Variants in DYSF observed in about 807,000 individuals in gnomAD.
The protein encoded by DYSF is dysferlin.
In DYSF, 212 loss-of-function variants were observed where a neutral mutation model predicts 274.9. The ratio of observed to expected loss-of-function variants is 0.77; its 90% confidence interval spans 0.69 to 0.86. The LOEUF (loss-of-function observed/expected upper bound fraction) is 0.86, where lower values mean the gene tolerates loss of function less well. DYSF is among the 40% of genes least tolerant of loss of function. The pLI, the probability that DYSF is intolerant of heterozygous loss-of-function variation, is 0.00. For missense variants in DYSF, 2,666 were observed against 2,783.2 expected (o/e 0.96, Z 0.95); for synonymous variants, 1,091 against 1,078.7 (o/e 1.01, Z -0.22).
intron 36 of DYSF, among the ~76,000 whole-genome samples, chr2:71,608,454 G>T (rs2093684985): frequency 6.6e-6 from 1 of 152,174 alleles, no homozygotes; most frequent in Admixed American, 6.5e-5. Flanking sequence ...CAGCACGGTG[G>T]ACAGAGATGG....
At chr2:71,574,139 G>A in intron 29 of DYSF, 59 bp from the exon 30 acceptor site, 1 of 1,593,176 alleles carries the variant, frequency 6.3e-7, no homozygotes, top group Non-Finnish European at 8.6e-7. Context: ...GTGGAGCCGA[G>A]CACAGAACTC....
In DYSF at chr2:71,675,666, G is replaced by T. The variant is rs565438045; in HGVS notation, c.5884+1370G>T. Among the ~76,000 whole-genome samples, 3 of 152,210 alleles carry T rather than the reference G, an allele frequency of 2.0e-5. No homozygotes were observed. The East Asian group carries it at 5.8e-4, about 29-fold the overall frequency. ...CTTCTATTATTTTACTTATTATTTT[G>T]TACATAATTCCTGTAGAGGAATTAG... On this transcript the variant is annotated intron_variant, in intron 52 of 55. Transcript: ENST00000410020.
At position 71,513,294 on chromosome 2, in the gene DYSF, A is replaced by G. The variant is rs764145540; in HGVS notation, c.515A>G (p.Asp172Gly). 1.0e-5 allele frequency: 16 copies of G among 1,551,596 alleles called. No individual in the cohort carries two copies. Among genetic ancestry groups the G allele is most frequent in the Non-Finnish European group, 1.4e-5 (16 of 1,146,952 alleles). Reference sequence around the variant, plus strand: ...TCCCTGCTCAGTGACAGCACCATGGACACGAGATACTCTGGAAAGAAGTGG... The same window carrying G: ...TCCCTGCTCAGTGACAGCACCATGGGCACGAGATACTCTGGAAAGAAGTGG... ...TWSLLSDSTM[D>G]TRYSGKKWPA... The change falls in exon 6 of 56, where the codon GAC becomes GGC. Residue 172 changes from aspartate to glycine, a missense_variant. Physicochemically the swap from Asp to Gly is moderately conservative, Grantham distance 94. Coordinates refer to ENST00000410020, the MANE Select transcript of DYSF (RefSeq NM_001130987.2).
chr2:71,626,318 A>G (rs2094205745), intron 41 of DYSF, among the ~76,000 whole-genome samples: 1 of 151,022 alleles, frequency 6.6e-6, no homozygotes, highest in Admixed American at 6.6e-5. Context: ...GTTTTTTTTC[A>G]TGAATGTTGT....
chr2:71,462,884 A>G (rs1018027539), upstream of DYSF, among the ~76,000 whole-genome samples: 4 of 152,048 alleles, frequency 2.6e-5, no homozygotes, highest in African/African-American at 7.2e-5. Flanking sequence ...CTCAGAAGGG[A>G]GGAAGTGTGT....
At chr2:71,641,335 C>G (rs1380839464) in intron 41 of DYSF, among the ~76,000 whole-genome samples, 1 of 151,670 alleles carries the variant, frequency 6.6e-6, no homozygotes, top group East Asian at 1.9e-4. Flanking sequence ...CCCGCCACCA[C>G]GCCCGGCTAA....
chr2:71,520,111 T>G (rs1207202824), intron 10 of DYSF, 67 bp from the exon 11 acceptor site: 1 of 1,589,144 alleles, frequency 6.3e-7, no homozygotes, highest in East Asian at 2.2e-5. Context: ...AATCATATAA[T>G]GCACCACACT....
At chr2:71,571,887 C>T (rs1268753593) in intron 29 of DYSF, among the ~76,000 whole-genome samples, 1 of 103,010 alleles carries the variant, frequency 9.7e-6, no homozygotes, top group African/African-American at 4.4e-5. Context: ...GCACACACAG[C>T]TCACACCCAG....
chr2:71,508,449 T>C (rs1034193888), intron 4 of DYSF, among the ~76,000 whole-genome samples: 1 of 152,258 alleles, frequency 6.6e-6, no homozygotes, highest in Non-Finnish European at 1.5e-5. Flanking sequence ...AGTTGTTTTG[T>C]TTCTTCAGTT....
Position 71,611,602 on chromosome 2 carries a change from C to A in DYSF, c.4197C>A (p.Asp1399Glu), listed in dbSNP as rs2093763583. 4 of 1,613,928 alleles carry A rather than the reference C, an allele frequency of 2.5e-6. No homozygotes were observed. The African/African-American group carries it at 4.0e-5, about 16-fold the overall frequency. Residue 1399 changes from aspartate (D) to glutamate (E), a missense_variant, in exon 38 of 56, where the codon GAC becomes GAA. By Grantham distance (45) the Asp-to-Glu change is conservative. This residue lies in a region of DYSF where 1,460 missense variants were observed against 1,502.1 expected (regional missense o/e 0.97). Transcript: ENST00000410020. Reference protein sequence around the residue: ...IRNLRKNPNFDICTLFMEVML... With the variant: ...IRNLRKNPNFEICTLFMEVML... Reference sequence around the variant, plus strand: ...ACCTCCGGAAGAACCCCAACTTTGACATCTGCACCCTCTTCATGGAAGTGG... The same window carrying A: ...ACCTCCGGAAGAACCCCAACTTTGAAATCTGCACCCTCTTCATGGAAGTGG...
At chr2:71,679,371 C>G (rs946961014) in intron 53 of DYSF, 136 bp downstream of exon 53, 4 of 886,562 alleles carry the variant, frequency 4.5e-6, no homozygotes, top group Non-Finnish European at 6.9e-6. Flanking sequence ...CCCCATCCCC[C>G]CTCTCTCTCT....
At chr2:71,459,868 C>G (rs1360494872) in intron 1 of DYSF, among the ~76,000 whole-genome samples, 1 of 151,498 alleles carries the variant, frequency 6.6e-6, no homozygotes, top group Non-Finnish European at 1.5e-5. Context: ...TAGTCCCCTT[C>G]CCCCTTAACC....
In DYSF at chr2:71,647,227, T is replaced by C. The variant is rs534629433; in HGVS notation, c.4626+3164T>C. ...ATAACAAGGTAAATGTTTTTTAAGC[T>C]ACATGAAATTAAAGTTATAGCTTTA... On this transcript the variant is annotated intron_variant, in intron 42 of 55. Coordinates refer to ENST00000410020, the MANE Select transcript of DYSF (RefSeq NM_001130987.2). Among the ~76,000 whole-genome samples, 3 of 152,232 alleles carry C rather than the reference T, an allele frequency of 2.0e-5. No individual in the cohort carries two copies. In the East Asian group the frequency reaches 5.8e-4, roughly 29 times the overall value.
At chr2:71,621,626 TATATA>T (rs1002500937) in intron 41 of DYSF, among the ~76,000 whole-genome samples, 83 of 150,536 alleles carry the variant, frequency 5.5e-4, no homozygotes, top group Middle Eastern at 3.5e-3. Context: ...TATGTGTGTA[TATATA>T]ATATATGTAT....
intron 30 of DYSF, among the ~76,000 whole-genome samples, chr2:71,582,492 T>G (rs1389927254): frequency 6.6e-6 from 1 of 152,084 alleles, no homozygotes; most frequent in Non-Finnish European, 1.5e-5. Context: ...TGTGAAAAAT[T>G]TTATGGATAA....
chr2:71,593,783 TCAGG>T (rs2093337627), intron 32 of DYSF, among the ~76,000 whole-genome samples: 1 of 152,178 alleles, frequency 6.6e-6, no homozygotes, highest in African/African-American at 2.4e-5. Flanking sequence ...TGGAGGACCC[TCAGG>T]CAGCTCTATC....
rs1309114970 is a variant in DYSF at position 71,643,990 on chromosome 2, G to A, written c.4553G>A (p.Ser1518Asn). 1 of 1,611,780 alleles carries A rather than the reference G, an allele frequency of 6.2e-7. No homozygotes were observed. The highest frequency in any genetic ancestry group is 1.3e-5 in the African/African-American group (1 of 74,900). ...PHEEEFIDWW[S>N]KFFASIGERE... ...GAGGAAGAGTTCATCGATTGGTGGA[G>A]CAAATTCTTTGCCTCCATAGGGGAG... The change falls in exon 42 of 56, where the codon AGC becomes AAC. Residue 1518 changes from serine (S) to asparagine (N), a missense_variant. Coordinates refer to ENST00000410020, the MANE Select transcript of DYSF (RefSeq NM_001130987.2).
At chr2:71,485,428 C>G (rs1407546158) in intron 3 of DYSF, among the ~76,000 whole-genome samples, 1 of 152,158 alleles carries the variant, frequency 6.6e-6, no homozygotes, top group Non-Finnish European at 1.5e-5. Context: ...TGGTGGCGGG[C>G]ACCTGTAATC....
chr2:71,682,475 G>A, intron 54 of DYSF, 55 bp from the exon 55 acceptor site: 1 of 1,612,814 alleles, frequency 6.2e-7, no homozygotes, highest in Non-Finnish European at 8.5e-7. Flanking sequence ...GAAGAGTTTG[G>A]AGAAAGCAGC....
Sources: allele counts gnomAD v4.1 joint callset (sites outside exome capture counted in the v4.1 genomes callset), GRCh38; gene constraint gnomAD v4.1.1; regional missense constraint gnomAD v4.1.1; transcripts MANE v1.5; gene names NCBI Gene and HGNC (gene_info 2026-07-23, HGNC 2026-07-21).